Variants in CCDC169 observed in about 807,000 individuals in gnomAD.
CCDC169 encodes the protein coiled-coil domain-containing protein 169.
In CCDC169, 30 loss-of-function variants were observed where a neutral mutation model predicts 36.0. That is an observed-to-expected ratio of 0.83 (90% confidence interval 0.62 to 1.13). CCDC169 has a LOEUF of 1.13. CCDC169 is among the 50% of genes most tolerant of loss of function. The pLI is 0.00. For synonymous variants in CCDC169, 85 were observed against 81.5 expected (o/e 1.04, Z -0.23); for missense variants, 245 against 245.9 (o/e 1.00, Z 0.03).
chr13:36,261,185 C>G (rs73167294), intron 4 of CCDC169, among the ~76,000 whole-genome samples: 2 of 152,082 alleles, frequency 1.3e-5, no homozygotes, highest in East Asian at 3.9e-4. Context: ...TCTTGGTCAC[C>G]CCAGTGGGTG....
chr13:36,231,391 C>G (rs1018234417), intron 7 of CCDC169, 99 bp from the exon 8 acceptor site: 2 of 1,166,064 alleles, frequency 1.7e-6, no homozygotes, highest in African/African-American at 1.5e-5. Flanking sequence ...GCACCTTGTT[C>G]CCCCCAACAG....
intron 7 of CCDC169, chr13:36,240,587 T>C: frequency 7.9e-7 from 1 of 1,261,666 alleles, no homozygotes; most frequent in Non-Finnish European, 1.0e-6. Context: ...TAGTATCAAT[T>C]TCCCTCAGGT....
intron 6 of CCDC169, among the ~76,000 whole-genome samples, chr13:36,249,837 A>G (rs1240323773): frequency 6.6e-6 from 1 of 152,178 alleles, no homozygotes; most frequent in Non-Finnish European, 1.5e-5. Context: ...ATCTGAAAAT[A>G]AAAAGGAGGA....
intron 4 of CCDC169, among the ~76,000 whole-genome samples, chr13:36,262,415 C>G (rs775793129): frequency 6.6e-6 from 1 of 152,220 alleles, no homozygotes; most frequent in Admixed American, 6.5e-5. Context: ...ACTGCTAGAT[C>G]TAGTCTCCTA....
At chr13:36,254,189 C>T in intron 4 of CCDC169, 46 bp from the exon 5 acceptor site, 3 of 1,273,990 alleles carry the variant, frequency 2.4e-6, no homozygotes, top group East Asian at 2.8e-5. Context: ...ATGTTCTAAA[C>T]AAAATAAGAA....
In CCDC169 at chr13:36,253,842, G is replaced by A; in HGVS notation, c.429C>T (p.Ile143=). The A allele has an allele frequency of 6.4e-7, 1 of 1,551,178 alleles. No homozygotes were observed. The highest frequency in any genetic ancestry group is 8.7e-7 in the Non-Finnish European group (1 of 1,146,892). The change falls in exon 6 of 8, where the codon ATC becomes ATT. Residue 143 remains isoleucine, a synonymous_variant. Coordinates refer to ENST00000239859, the MANE Select transcript of CCDC169 (RefSeq NM_001144981.3). The part of the protein sequence containing the change: ...LEQESKAYQK[I]NNERRTYLAE... ...CTAGGTATGTACGGCGTTCATTGTT[G>A]ATCTTCTGGTAAGCCTGTGTGAAGA...
At chr13:36,228,027 T>C (rs755688408), downstream of CCDC169, among the ~76,000 whole-genome samples, 8 of 152,224 alleles carry the variant, frequency 5.3e-5, no homozygotes, top group Non-Finnish European at 1.0e-4. Flanking sequence ...CCAAATAATA[T>C]CCATTGTTGG....
rs535321235 is a variant in CCDC169, at chr13:36,243,199, T to G, written c.545+5407A>C. ...CCCCACAGGTGTTGATCCTAAGAAC[T>G]CTCGCTAATAAACTTCCTGGCCAGG... On this transcript the variant is annotated intron_variant, in intron 7 of 7. Transcript: ENST00000239859. Among the ~76,000 whole-genome samples the G allele has an allele frequency of 2.6e-5, 4 of 152,264 alleles. No individual in the cohort carries two copies. In the East Asian group the frequency reaches 7.7e-4, roughly 29 times the overall value.
At chr13:36,247,023 C>T (rs1325962051) in intron 7 of CCDC169, among the ~76,000 whole-genome samples, 1 of 152,158 alleles carries the variant, frequency 6.6e-6, no homozygotes, top group African/African-American at 2.4e-5. Context: ...TATGTTGAAG[C>T]TAATGCTCAA....
chr13:36,226,484 G>A (rs1046376190), downstream of CCDC169: 1 of 152,204 alleles, frequency 6.6e-6, no homozygotes, highest in African/African-American at 2.4e-5. Context: ...TGGAGTTCAG[G>A]TGGTAATGCT....
At chr13:36,264,379 G>T (rs1182888493) in intron 4 of CCDC169, among the ~76,000 whole-genome samples, 1 of 151,956 alleles carries the variant, frequency 6.6e-6, no homozygotes, top group African/African-American at 2.4e-5. Context: ...AATCAGAAAT[G>T]ATTATTTAAT....
intron 7 of CCDC169, among the ~76,000 whole-genome samples, chr13:36,234,229 T>G (rs562295990): frequency 6.6e-6 from 1 of 152,182 alleles, no homozygotes; most frequent in Non-Finnish European, 1.5e-5. Context: ...TAAATAAATC[T>G]GTGTGCCTTT....
chr13:36,262,579 A>C (rs537265413), intron 4 of CCDC169, among the ~76,000 whole-genome samples: 7 of 152,196 alleles, frequency 4.6e-5, no homozygotes, highest in African/African-American at 1.7e-4. Context: ...CAAGCCTTCA[A>C]TCATGAAAAC....
intron 6 of CCDC169, among the ~76,000 whole-genome samples, chr13:36,249,408 G>T (rs1335746987): frequency 6.6e-6 from 1 of 152,174 alleles, no homozygotes; most frequent in Non-Finnish European, 1.5e-5. Context: ...AGCATGGTTG[G>T]CAGTGTAAAA....
chr13:36,223,364 G>C (rs1026295022), downstream of CCDC169: 3 of 152,094 alleles, frequency 2.0e-5, no homozygotes, highest in Non-Finnish European at 2.9e-5. Flanking sequence ...CAATTTCAAC[G>C]ATGATAAACT....
At chr13:36,296,973 A>G (rs1879577408) in intron 1 of CCDC169, among the ~76,000 whole-genome samples, 1 of 152,190 alleles carries the variant, frequency 6.6e-6, no homozygotes, top group Admixed American at 6.5e-5. Flanking sequence ...CTCAGAATAC[A>G]CAGAACCTGT....
rs544981680 is a variant in CCDC169 at position 36,283,711 on chromosome 13, A to G, written c.164-9T>C. ...GGTTTTCCATTCACTACCTGAGTAA[A>G]AACAGGGAGAAACAATCAAGATCAC... On this transcript the variant is annotated splice_polypyrimidine_tract_variant and intron_variant, in intron 2 of 7. Coordinates refer to ENST00000239859, the MANE Select transcript of CCDC169 (RefSeq NM_001144981.3). 16 of 1,531,048 alleles carry G rather than the reference A, an allele frequency of 1.0e-5. No individual in the cohort carries two copies. The African/African-American group carries it at 2.2e-4, about 21-fold the overall frequency. 94.8% of individuals were successfully genotyped at this position (1,531,048 alleles called of 1,614,324 possible). A position where few individuals can be genotyped will look rare whatever the true frequency, so the allele number is the denominator to read the frequency against.
chr13:36,265,839 T>C (rs1875230850), intron 4 of CCDC169, among the ~76,000 whole-genome samples: 1 of 152,080 alleles, frequency 6.6e-6, no homozygotes, highest in South Asian at 2.1e-4. Context: ...ACTGCAGGGG[T>C]AGGGGAGTCT....
At chr13:36,243,808 A>G (rs1025138276) in intron 7 of CCDC169, among the ~76,000 whole-genome samples, 2 of 152,108 alleles carry the variant, frequency 1.3e-5, no homozygotes, top group African/African-American at 4.8e-5. Flanking sequence ...CTCCATCTCA[A>G]TAAATAAATA....
Sources: gnomAD v4.1 joint callset for allele counts (sites outside exome capture counted in the v4.1 genomes callset) on GRCh38, gnomAD v4.1.1 for gene constraint, MANE v1.5 for transcripts, NCBI Gene and HGNC (gene_info 2026-07-23, HGNC 2026-07-21) for gene names.